PRTFDC1: variants seen among roughly 807,000 people sequenced by gnomAD.
PRTFDC1 encodes phosphoribosyl transferase domain containing 1.
In PRTFDC1, 38 loss-of-function variants were observed where a neutral mutation model predicts 34.6. The ratio of observed to expected loss-of-function variants is 1.10; its 90% confidence interval spans 0.85 to 1.44. PRTFDC1 has a LOEUF of 1.44. Ranked by LOEUF, PRTFDC1 falls within the 40% of genes most tolerant of loss-of-function variation. The pLI, the probability that PRTFDC1 is intolerant of heterozygous loss-of-function variation, is 0.00. For missense variants in PRTFDC1, 270 were observed against 283.0 expected (o/e 0.95, Z 0.33); for synonymous variants, 93 against 98.1 (o/e 0.95, Z 0.31).
chr10:24,880,906 ATCTTTCTTTCTTCCC>A (rs1848067492), intron 3 of PRTFDC1, among the ~76,000 whole-genome samples: 1 of 78,062 alleles, frequency 1.3e-5, no homozygotes, highest in Non-Finnish European at 2.5e-5. Flanking sequence ...CTTTCTTTCC[ATCTTTCTTTCTTCCC>A]TCTTTCTTTC....
chr10:24,926,705 T>C lies in PRTFDC1; in HGVS notation c.339+10479A>G, dbSNP rs147637305. The stretch of plus-strand genomic sequence containing the variant: ...CTGCTGCACTGGACTTCAACTCACA[T>C]CTGTAGCAGAGTGAGTCCATTCCCC... On this transcript the variant is annotated intron_variant, in intron 3 of 8. Coordinates refer to ENST00000320152, the MANE Select transcript of PRTFDC1 (RefSeq NM_020200.7). Among the ~76,000 whole-genome samples, 1,074 of 152,284 alleles carry C rather than the reference T, an allele frequency of 7.1e-3. 16 individuals carry two copies. The highest frequency in any genetic ancestry group is 0.025 in the African/African-American group (1,020 of 41,560).
chr10:24,951,833 T>C (rs930624011), intron 1 of PRTFDC1, among the ~76,000 whole-genome samples: 31 of 152,274 alleles, frequency 2.0e-4, no homozygotes, highest in Middle Eastern at 6.8e-3. Context: ...GGCTCAGTTC[T>C]GGGAAACCAG....
At chr10:24,878,831 ATTCAT>A (rs1014668983) in intron 3 of PRTFDC1, among the ~76,000 whole-genome samples, 1 of 152,200 alleles carries the variant, frequency 6.6e-6, no homozygotes, top group African/African-American at 2.4e-5. Context: ...CCTCTAAGCC[ATTCAT>A]TTCAAGAGTC....
At position 24,856,782 on chromosome 10, in the gene PRTFDC1, G is replaced by A. The variant is rs1847584923; in HGVS notation, c.506+131C>T. On this transcript the variant is annotated intron_variant, in intron 6 of 8. Transcript: ENST00000320152. ...GGCTGTTTTTCAGTGTGGTCAAGCT[G>A]TAATACCCCAGGGGAAAAGGTCACT... is the stretch of plus-strand genomic sequence containing the variant. The A allele has an allele frequency of 4.9e-6, 4 of 812,818 alleles. No homozygotes were observed. In the African/African-American group the frequency reaches 5.1e-5, roughly 10 times the overall value. The allele number at this position is 812,818 out of a possible 1,614,324, so 50.4% of individuals were successfully genotyped here. A position where few individuals can be genotyped will look rare whatever the true frequency, so the allele number is the denominator to read the frequency against.
intron 3 of PRTFDC1, among the ~76,000 whole-genome samples, chr10:24,904,220 C>T (rs988752533): frequency 6.6e-6 from 1 of 151,534 alleles, no homozygotes; most frequent in East Asian, 1.9e-4. Flanking sequence ...GAGTGGGCTG[C>T]ACATTTATAC....
chr10:24,905,893 C>G (rs1207156121), intron 3 of PRTFDC1, among the ~76,000 whole-genome samples: 1 of 152,082 alleles, frequency 6.6e-6, no homozygotes, highest in African/African-American at 2.4e-5. Flanking sequence ...CCGCTCCCTC[C>G]TCTCACCACT....
chr10:24,900,787 A>ATG (rs1848437516), intron 3 of PRTFDC1, among the ~76,000 whole-genome samples: 2 of 152,240 alleles, frequency 1.3e-5, no homozygotes, highest in Non-Finnish European at 2.9e-5. Context: ...GAATTAAAAA[A>ATG]TAAATAACCT....
rs376157721 is a variant in PRTFDC1 at position 24,849,797 on chromosome 10, C to T, written c.*47G>A. On this transcript the variant is annotated 3_prime_UTR_variant, in exon 9 of 9. Transcript: ENST00000320152. ...TGACAGCTGGCTTCCCAAGTACAGG[C>T]GTAAATATGATGCTATCTGGGACTT... The T allele has an allele frequency of 2.0e-5, 31 of 1,589,218 alleles. No individual in the cohort carries two copies. In the East Asian group the frequency reaches 2.9e-4, roughly 15 times the overall value.
At chr10:24,894,274 T>A (rs901919749) in intron 3 of PRTFDC1, among the ~76,000 whole-genome samples, 2 of 144,362 alleles carry the variant, frequency 1.4e-5, no homozygotes, top group African/African-American at 5.2e-5. Flanking sequence ...GAGGTTGCAG[T>A]GAGCCAAGAT....
chr10:24,885,894 G>T (rs1461403453), intron 3 of PRTFDC1, among the ~76,000 whole-genome samples: 1 of 152,178 alleles, frequency 6.6e-6, no homozygotes, highest in African/African-American at 2.4e-5. Flanking sequence ...CATTCTGAAA[G>T]GCCACACACT....
At chr10:24,900,827 C>T (rs949228003) in intron 3 of PRTFDC1, among the ~76,000 whole-genome samples, 4 of 151,936 alleles carry the variant, frequency 2.6e-5, no homozygotes, top group Admixed American at 1.3e-4. Context: ...AGACTTGGGC[C>T]GAACATTTTA....
intron 2 of PRTFDC1, among the ~76,000 whole-genome samples, chr10:24,938,895 C>G (rs1483732473): frequency 6.6e-6 from 1 of 152,118 alleles, no homozygotes; most frequent in South Asian, 2.1e-4. Flanking sequence ...CCCCACACAC[C>G]CCCATCAGCA....
At chr10:24,886,007 A>G (rs1354956011) in intron 3 of PRTFDC1, among the ~76,000 whole-genome samples, 1 of 152,218 alleles carries the variant, frequency 6.6e-6, no homozygotes, top group African/African-American at 2.4e-5. Context: ...GAGAAAGAGG[A>G]AAAACACAGG....
intron 4 of PRTFDC1, among the ~76,000 whole-genome samples, chr10:24,859,373 C>A (rs894424741): frequency 6.6e-6 from 1 of 152,222 alleles, no homozygotes; most frequent in African/African-American, 2.4e-5. Context: ...GATTCTCCCA[C>A]CTCACCTTCC....
In PRTFDC1 at chr10:24,949,861, A is replaced by G. The variant is rs999445967; in HGVS notation, c.48+2667T>C. Among the ~76,000 whole-genome samples, 18 of 151,804 alleles carry G rather than the reference A, an allele frequency of 1.2e-4. No individual in the cohort carries two copies. In the East Asian group the frequency reaches 3.3e-3, roughly 28 times the overall value. On this transcript the variant is annotated intron_variant, in intron 1 of 8. Transcript: ENST00000320152. The stretch of plus-strand genomic sequence containing the variant: ...GCAATTCTCCTGCTTCTGCCTCCCA[A>G]GTAGCTGTGATTACAGGCATGCACT...
intron 3 of PRTFDC1, among the ~76,000 whole-genome samples, chr10:24,917,676 G>A (rs1848716184): frequency 6.6e-6 from 1 of 152,148 alleles, no homozygotes; most frequent in South Asian, 2.1e-4. Flanking sequence ...AGAGTTATGT[G>A]TCCATCAGGG....
chr10:24,899,292 T>A (rs75936638), intron 3 of PRTFDC1, among the ~76,000 whole-genome samples: 14,999 of 152,146 alleles, frequency 0.099, 1,060 homozygotes, highest in East Asian at 0.29. Context: ...GTCAATGCTT[T>A]CTTTCCACAG....
At chr10:24,899,119 C>T (rs184780531) in intron 3 of PRTFDC1, among the ~76,000 whole-genome samples, 21 of 152,264 alleles carry the variant, frequency 1.4e-4, no homozygotes, top group African/African-American at 4.8e-4. Flanking sequence ...GACTAAAATA[C>T]CTACCCTTCC....
chr10:24,921,818 G>C (rs1848794782), intron 3 of PRTFDC1, among the ~76,000 whole-genome samples: 1 of 151,636 alleles, frequency 6.6e-6, no homozygotes, highest in Admixed American at 6.6e-5. Context: ...TCTTGTCCTT[G>C]AAAGCTACAG....
Sources: gnomAD v4.1 joint callset for allele counts (sites outside exome capture counted in the v4.1 genomes callset) on GRCh38, gnomAD v4.1.1 for gene constraint, MANE v1.5 for transcripts, NCBI Gene and HGNC (gene_info 2026-07-23, HGNC 2026-07-21) for gene names.